The following GIGYF2 variants were observed in gnomAD, a reference collection of about 807,000 sequenced individuals.
GIGYF2 encodes the protein GRB10-interacting GYF protein 2.
A neutral mutation model predicts 208.1 loss-of-function variants in GIGYF2; 25 were observed. The observed-to-expected ratio is 0.12, with a 90% CI of 0.09 to 0.17. GIGYF2 has a LOEUF of 0.17. Ranked by LOEUF, GIGYF2 falls within the 10% of genes least tolerant of loss-of-function variation. GIGYF2 has a pLI of 1.00. For synonymous variants in GIGYF2, 534 were observed against 543.8 expected (o/e 0.98, Z 0.25); for missense variants, 1,302 against 1,579.4 (o/e 0.82, Z 2.98).
At chr2:232,705,291 G>T (rs1696042805) in intron 2 of GIGYF2, 1 of 152,178 alleles carries the variant, frequency 6.6e-6, no homozygotes. Flanking sequence ...TTTTGGGAAA[G>T]GATCAGTGAG....
intron 22 of GIGYF2, among the ~76,000 whole-genome samples, chr2:232,838,118 C>G (rs1701703477): frequency 6.6e-6 from 1 of 151,934 alleles, no homozygotes; most frequent in African/African-American, 2.4e-5. Context: ...ACAAAGAAGA[C>G]TTAAGGAAAA....
intron 20 of GIGYF2, among the ~76,000 whole-genome samples, chr2:232,818,432 T>G (rs1290547582): frequency 6.6e-6 from 1 of 152,216 alleles, no homozygotes; most frequent in African/African-American, 2.4e-5. Context: ...GCAATAATTT[T>G]GAATGTAATG....
At chr2:232,746,130 G>T (rs1205408367) in intron 3 of GIGYF2, among the ~76,000 whole-genome samples, 2 of 151,238 alleles carry the variant, frequency 1.3e-5, no homozygotes. Context: ...TTTGTCATCT[G>T]CTTTTTGGTG....
At chr2:232,795,987 C>T (rs997097637) in intron 13 of GIGYF2, 75 bp from the exon 14 acceptor site, 2 of 1,043,482 alleles carry the variant, frequency 1.9e-6, no homozygotes, top group East Asian at 2.4e-5. Flanking sequence ...AAAAAAGGGG[C>T]AGGCACTGTT....
At chr2:232,809,391 C>T (rs1191687170) in intron 15 of GIGYF2, among the ~76,000 whole-genome samples, 1 of 152,264 alleles carries the variant, frequency 6.6e-6, no homozygotes, top group Middle Eastern at 3.4e-3. Flanking sequence ...TCTACATTAT[C>T]TAATTATACA....
At chr2:232,838,288 A>G (rs1005577834) in intron 22 of GIGYF2, among the ~76,000 whole-genome samples, 2 of 151,224 alleles carry the variant, frequency 1.3e-5, no homozygotes, top group Non-Finnish European at 3.0e-5. Flanking sequence ...GTGCATGTGT[A>G]TATATATATA....
intron 2 of GIGYF2, among the ~76,000 whole-genome samples, chr2:232,728,198 G>C (rs1046947308): frequency 6.6e-6 from 1 of 152,160 alleles, no homozygotes; most frequent in African/African-American, 2.4e-5. Flanking sequence ...ACGGTAGAAA[G>C]TTCTCATTTG....
At chr2:232,802,051 A>C (rs1245134700) in intron 14 of GIGYF2, among the ~76,000 whole-genome samples, 1 of 151,908 alleles carries the variant, frequency 6.6e-6, no homozygotes, top group Non-Finnish European at 1.5e-5. Flanking sequence ...TTTTTTTCTA[A>C]TTTTCTTTTC....
intron 2 of GIGYF2, chr2:232,705,376 T>G (rs897407689): frequency 1.3e-5 from 2 of 152,222 alleles, no homozygotes; most frequent in Admixed American, 1.3e-4. Flanking sequence ...ACTTTTTTAA[T>G]GGAACATTTT....
chr2:232,772,337 G>A (rs1011389794), intron 8 of GIGYF2, among the ~76,000 whole-genome samples: 1 of 152,130 alleles, frequency 6.6e-6, no homozygotes, highest in Non-Finnish European at 1.5e-5. Context: ...TGATTAGATT[G>A]GGGGGTAGAA....
At chr2:232,719,387 T>G (rs1030383902) in intron 2 of GIGYF2, among the ~76,000 whole-genome samples, 8 of 152,182 alleles carry the variant, frequency 5.3e-5, no homozygotes, top group African/African-American at 1.7e-4. Flanking sequence ...ACCTTTTTTT[T>G]GAAAGTGATT....
rs755594756 is a variant in GIGYF2 at position 232,794,900 on chromosome 2, T to G, written c.1435T>G (p.Ser479Ala). 8 of 1,613,920 alleles carry G rather than the reference T, an allele frequency of 5.0e-6. No homozygotes were observed. The highest frequency in any genetic ancestry group is 6.8e-6 in the Non-Finnish European group (8 of 1,179,904). ...VVGAPGMGSV[S>A]TEPDDEEGLK... The stretch of plus-strand genomic sequence containing the variant: ...AGGTGCTCCTGGTATGGGCAGTGTT[T>G]CCACAGAACCTGATGATGAAGAAGG... Residue 479 changes from serine (S) to alanine (A), a missense_variant, in exon 13 of 29, where the codon TCC becomes GCC. Physicochemically the swap from Ser to Ala is moderately conservative, Grantham distance 99. This residue lies in a region of GIGYF2 where 235 missense variants were observed against 218.8 expected (regional missense o/e 1.07). Coordinates refer to ENST00000373563, the MANE Select transcript of GIGYF2 (RefSeq NM_001103146.3).
Position 232,858,616 on chromosome 2 carries a change from G to A in GIGYF2, c.*1756G>A. 4.4e-6 allele frequency: 2 copies of A among 453,776 alleles called. No homozygotes were observed. Among genetic ancestry groups the A allele is most frequent in the Admixed American group, 2.4e-5 (1 of 41,954 alleles). The allele number at this position is 453,776 out of a possible 1,614,324, so 28.1% of individuals were successfully genotyped here. ...ATAAAAAAGAACTTAAATAAAATCTGATTGTATTCTATCTGAGTGCACCTC... is the reference window on the plus strand; with the variant it reads ...ATAAAAAAGAACTTAAATAAAATCTAATTGTATTCTATCTGAGTGCACCTC... On this transcript the variant is annotated 3_prime_UTR_variant, in exon 29 of 29. Transcript: ENST00000373563.
At chr2:232,790,150 G>T (rs1700028822) in intron 9 of GIGYF2, among the ~76,000 whole-genome samples, 2 of 152,128 alleles carry the variant, frequency 1.3e-5, no homozygotes, top group South Asian at 4.1e-4. Flanking sequence ...GTAATTTTGT[G>T]AATTTTTGGG....
At chr2:232,843,562 C>CA (rs577833427) in intron 23 of GIGYF2, among the ~76,000 whole-genome samples, 40,106 of 91,268 alleles carry the variant, frequency 0.44, 7,413 homozygotes, top group Non-Finnish European at 0.48. Context: ...GACCCTGTCT[C>CA]AAAAAAAAAA....
chr2:232,767,599 T>G (rs1333506361), intron 8 of GIGYF2: 1 of 156,138 alleles, frequency 6.4e-6, no homozygotes, highest in African/African-American at 2.4e-5. Flanking sequence ...GCTTTTAGGT[T>G]TATGTATAAA....
chr2:232,841,911 T>C (rs1701827851), intron 23 of GIGYF2, among the ~76,000 whole-genome samples: 3 of 152,166 alleles, frequency 2.0e-5, no homozygotes, highest in Admixed American at 2.0e-4. Context: ...TCCATCTCTG[T>C]GCTTTTATCT....
At chr2:232,768,905 A>G in intron 8 of GIGYF2, 1 of 1,142,530 alleles carries the variant, frequency 8.8e-7, no homozygotes, top group Non-Finnish European at 1.2e-6. Flanking sequence ...ATATTTACAC[A>G]TTTCTTGGTG....
At chr2:232,853,736 C>T (rs1170391429) in intron 28 of GIGYF2, among the ~76,000 whole-genome samples, 1 of 152,214 alleles carries the variant, frequency 6.6e-6, no homozygotes, top group Non-Finnish European at 1.5e-5. Flanking sequence ...CTGAACCTCA[C>T]AGAATGTCAT....
Sources: allele counts gnomAD v4.1 joint callset (sites outside exome capture counted in the v4.1 genomes callset), GRCh38; gene constraint gnomAD v4.1.1; regional missense constraint gnomAD v4.1.1; transcripts MANE v1.5; gene names NCBI Gene and HGNC (gene_info 2026-07-23, HGNC 2026-07-21).